The following NDST4 variants were observed in gnomAD, a reference collection of about 807,000 sequenced individuals.
NDST4 encodes the protein N-deacetylase and N-sulfotransferase 4, also known as N-heparan sulfate sulfotransferase 4.
In NDST4, 63 loss-of-function variants were observed where a neutral mutation model predicts 100.8. That is an observed-to-expected ratio of 0.62 (90% confidence interval 0.51 to 0.77). NDST4 has a LOEUF of 0.77. Ranked by LOEUF, NDST4 falls within the 30% of genes least tolerant of loss-of-function variation. NDST4 has a pLI of 0.00. For synonymous variants in NDST4, 377 were observed against 361.8 expected (o/e 1.04, Z -0.48); for missense variants, 943 against 1,018.4 (o/e 0.93, Z 1.01).
chr4:114,894,209 C>G (rs1724663910), intron 6 of NDST4, among the ~76,000 whole-genome samples: 1 of 152,198 alleles, frequency 6.6e-6, no homozygotes, highest in East Asian at 1.9e-4. Context: ...TTAAGATTGT[C>G]TTGTCTATTT....
intron 6 of NDST4, among the ~76,000 whole-genome samples, chr4:114,899,005 C>A (rs1284750379): frequency 6.6e-6 from 1 of 151,892 alleles, no homozygotes; most frequent in Non-Finnish European, 1.5e-5. Flanking sequence ...AATCAGTATA[C>A]CTTTCGTTTC....
At chr4:115,041,285 A>AT (rs1479088760) in intron 2 of NDST4, among the ~76,000 whole-genome samples, 2 of 152,088 alleles carry the variant, frequency 1.3e-5, no homozygotes, top group South Asian at 2.1e-4. Flanking sequence ...TTTACAGAAA[A>AT]TACAGAGCAT....
At chr4:114,899,805 T>C (rs1412228149) in intron 6 of NDST4, among the ~76,000 whole-genome samples, 1 of 152,230 alleles carries the variant, frequency 6.6e-6, no homozygotes, top group Non-Finnish European at 1.5e-5. Flanking sequence ...TTTTTTGGAA[T>C]GTCTTTTTCT....
At chr4:115,045,669 G>A (rs1728450095) in intron 2 of NDST4, among the ~76,000 whole-genome samples, 1 of 152,156 alleles carries the variant, frequency 6.6e-6, no homozygotes, top group Non-Finnish European at 1.5e-5. Flanking sequence ...CACTGAGTCT[G>A]TCTTACAGAA....
At chr4:114,955,726 G>C (rs1240417826) in intron 4 of NDST4, 1 of 152,144 alleles carries the variant, frequency 6.6e-6, no homozygotes, top group African/African-American at 2.4e-5. Context: ...GAACCAAGGG[G>C]ATATAACCCA....
chr4:115,106,489 T>C (rs1729836165), intron 1 of NDST4, among the ~76,000 whole-genome samples: 1 of 152,174 alleles, frequency 6.6e-6, no homozygotes, highest in East Asian at 1.9e-4. Context: ...TAAAATCGCA[T>C]AGTATTTGCA....
At chr4:115,007,335 T>C (rs922590719) in intron 2 of NDST4, among the ~76,000 whole-genome samples, 1 of 152,144 alleles carries the variant, frequency 6.6e-6, no homozygotes, top group Admixed American at 6.6e-5. Context: ...TGCTTTTACT[T>C]TCACCATGTA....
intron 2 of NDST4, among the ~76,000 whole-genome samples, chr4:114,989,298 C>T (rs538129586): frequency 2.0e-5 from 3 of 152,226 alleles, no homozygotes; most frequent in South Asian, 4.2e-4. Flanking sequence ...GAATGGTATC[C>T]TTTGGAGTTC....
rs1196951277 is a variant in NDST4 at position 115,022,391 on chromosome 4, T to C, written c.979-45117A>G. On this transcript the variant is annotated intron_variant, in intron 2 of 13. Transcript: ENST00000264363. The stretch of plus-strand genomic sequence containing the variant: ...GTGTTCCATGTACATATGTGTTCCA[T>C]ATATATGTGTTCCATATATATGTGT... Among the ~76,000 whole-genome samples, 425 of 120,336 alleles carry C rather than the reference T, an allele frequency of 3.5e-3. 18 individuals are homozygous for C. Among genetic ancestry groups the C allele is most frequent in the African/African-American group, 0.015 (401 of 26,660 alleles). The allele number at this position is 120,336 out of a possible 152,430, so 78.9% of individuals were successfully genotyped here. A position where few individuals can be genotyped will look rare whatever the true frequency, so the allele number is the denominator to read the frequency against.
intron 4 of NDST4, among the ~76,000 whole-genome samples, chr4:114,955,316 G>C (rs1258954371): frequency 6.6e-6 from 1 of 152,122 alleles, no homozygotes; most frequent in Non-Finnish European, 1.5e-5. Flanking sequence ...AGTCATCAAT[G>C]AGTAAGTAGC....
intron 6 of NDST4, among the ~76,000 whole-genome samples, chr4:114,893,758 G>C (rs775073908): frequency 9.2e-5 from 14 of 152,072 alleles, no homozygotes; most frequent in Admixed American, 2.6e-4. Flanking sequence ...GCTCTCATTT[G>C]TCAATTTTGG....
At chr4:114,955,868 G>C (rs1726127521) in intron 4 of NDST4, 1 of 152,212 alleles carries the variant, frequency 6.6e-6, no homozygotes, top group Non-Finnish European at 1.5e-5. Context: ...CCTTGGGTAA[G>C]TGTAGCCAAG....
chr4:114,979,001 T>A (rs1042030352), intron 2 of NDST4, among the ~76,000 whole-genome samples: 1 of 151,956 alleles, frequency 6.6e-6, no homozygotes, highest in African/African-American at 2.4e-5. Flanking sequence ...GATAACTGAG[T>A]CTATCATTCT....
At chr4:114,979,530 T>C (rs1292526184) in intron 2 of NDST4, among the ~76,000 whole-genome samples, 5 of 151,804 alleles carry the variant, frequency 3.3e-5, no homozygotes, top group Non-Finnish European at 7.4e-5. Flanking sequence ...TTAATTTTTG[T>C]CAGTAACATT....
At chr4:115,030,978 T>A (rs1243551830) in intron 2 of NDST4, among the ~76,000 whole-genome samples, 6 of 152,250 alleles carry the variant, frequency 3.9e-5, no homozygotes, top group Admixed American at 3.9e-4. Context: ...GAATTCATTA[T>A]TTCTCTTACA....
intron 2 of NDST4, among the ~76,000 whole-genome samples, chr4:115,052,821 G>A (rs575406352): frequency 2.6e-4 from 39 of 152,194 alleles, no homozygotes; most frequent in African/African-American, 9.4e-4. Context: ...ACTGTACAGT[G>A]TTAACACCTT....
chr4:115,045,114 T>TATTA (rs1180269549), intron 2 of NDST4, among the ~76,000 whole-genome samples: 1 of 151,976 alleles, frequency 6.6e-6, no homozygotes, highest in Non-Finnish European at 1.5e-5. Context: ...TGAAGTCTAA[T>TATTA]AAGAGAAATC....
chr4:114,992,835 A>T (rs534743576), intron 2 of NDST4, among the ~76,000 whole-genome samples: 31 of 151,960 alleles, frequency 2.0e-4, no homozygotes, highest in African/African-American at 7.5e-4. Context: ...TAAATCTCTG[A>T]TCCCAAATCT....
chr4:114,832,939 A>T (rs1723230714), intron 12 of NDST4, among the ~76,000 whole-genome samples: 2 of 152,286 alleles, frequency 1.3e-5, no homozygotes, highest in South Asian at 4.1e-4. Context: ...GAGACTCCAG[A>T]TGATTTCAGG....
Sources: gnomAD v4.1 joint callset for allele counts (sites outside exome capture counted in the v4.1 genomes callset) on GRCh38, gnomAD v4.1.1 for gene constraint, MANE v1.5 for transcripts, NCBI Gene and HGNC (gene_info 2026-07-23, HGNC 2026-07-21) for gene names.